MTMR6: variants seen among roughly 807,000 people sequenced by gnomAD.
MTMR6 encodes the protein phosphatidylinositol-3,5-bisphosphate 3-phosphatase MTMR6.
MTMR6 carries 47 observed loss-of-function variants against 80.1 expected under a neutral mutation model. That is an observed-to-expected ratio of 0.59 (90% CI 0.46 to 0.75). The LOEUF is 0.75. MTMR6 is among the 30% of genes least tolerant of loss of function. MTMR6 has a pLI of 0.00. For missense variants in MTMR6, 629 were observed against 730.9 expected (o/e 0.86, Z 1.61); for synonymous variants, 254 against 253.0 (o/e 1.00, Z -0.04).
intron 2 of MTMR6, among the ~76,000 whole-genome samples, chr13:25,268,723 G>T (rs1047406025): frequency 2.0e-5 from 3 of 152,176 alleles, no homozygotes; most frequent in African/African-American, 7.2e-5. Flanking sequence ...AGCCAGGGTT[G>T]CGCGCTCTGC....
intron 7 of MTMR6, 131 bp downstream of exon 7, chr13:25,258,429 A>G: frequency 1.5e-6 from 1 of 651,932 alleles, no homozygotes; most frequent in Non-Finnish European, 2.4e-6. Flanking sequence ...AAGTAAGGAT[A>G]TTATTAAAAT....
chr13:25,267,678 A>T, intron 3 of MTMR6, 101 bp downstream of exon 3: 1 of 1,231,864 alleles, frequency 8.1e-7, no homozygotes. Context: ...TGACTGTCAG[A>T]GCAAAAAAGG....
chr13:25,261,402 A>G lies in MTMR6; in HGVS notation c.726+266T>C, dbSNP rs572135244. ...CTTCACAATAACATAAGACTTATATACTAGCAAGAGTTCTCAATATACAAT... is the reference window on the plus strand; with the variant it reads ...CTTCACAATAACATAAGACTTATATGCTAGCAAGAGTTCTCAATATACAAT... On this transcript the variant is annotated intron_variant, in intron 6 of 13. Transcript: ENST00000381801. Among the ~76,000 whole-genome samples, 9 of 151,446 alleles carry G rather than the reference A, an allele frequency of 5.9e-5. No homozygotes were observed. The East Asian group carries it at 1.5e-3, about 26-fold the overall frequency.
intron 2 of MTMR6, among the ~76,000 whole-genome samples, chr13:25,272,827 A>G (rs1264698870): frequency 6.6e-6 from 1 of 152,008 alleles, no homozygotes; most frequent in Admixed American, 6.6e-5. Flanking sequence ...TCTTTATCCA[A>G]TCCACTGCTA....
At chr13:25,258,228 T>C (rs1957257361) in intron 7 of MTMR6, among the ~76,000 whole-genome samples, 1 of 152,184 alleles carries the variant, frequency 6.6e-6, no homozygotes, top group African/African-American at 2.4e-5. Flanking sequence ...ACCATTAGAA[T>C]TGTACTGTCT....
intron 13 of MTMR6, among the ~76,000 whole-genome samples, chr13:25,250,094 A>G (rs1242531734): frequency 2.0e-5 from 3 of 152,084 alleles, no homozygotes; most frequent in Non-Finnish European, 4.4e-5. Context: ...ATCCTTCTAC[A>G]ATTTACTCAA....
chr13:25,286,816 G>A (rs1957962679), intron 1 of MTMR6, among the ~76,000 whole-genome samples: 1 of 152,216 alleles, frequency 6.6e-6, no homozygotes. Flanking sequence ...AATGAAATGT[G>A]AGCAAGGACA....
chr13:25,262,327 A>G (rs548662922), intron 5 of MTMR6, among the ~76,000 whole-genome samples: 59 of 152,340 alleles, frequency 3.9e-4, no homozygotes, highest in African/African-American at 1.3e-3. Context: ...AGAATTATCT[A>G]TAAGTAGTGA....
intron 1 of MTMR6, among the ~76,000 whole-genome samples, chr13:25,275,879 A>C (rs1593155936): frequency 1.0e-4 from 1 of 9,742 alleles, no homozygotes; most frequent in Admixed American, 1.6e-3. Flanking sequence ...AAGGGAGGGG[A>C]GGGGAGGGGA....
rs1486780165 is a variant in MTMR6 at position 25,287,329 on chromosome 13, C to T, written c.-82G>A. 7 of 1,517,666 alleles carry T rather than the reference C, an allele frequency of 4.6e-6. No homozygotes were observed. The highest frequency in any genetic ancestry group is 6.2e-6 in the Non-Finnish European group (7 of 1,126,378). 94.0% of individuals were successfully genotyped at this position (1,517,666 alleles called of 1,614,324 possible). The stretch of plus-strand genomic sequence containing the variant: ...ACAGGGCGGTGACAGCGACAGAGAG[C>T]AAGCGGGAACTCCCTCCACCAGCCA... On this transcript the variant is annotated 5_prime_UTR_variant, in exon 1 of 14. Coordinates refer to ENST00000381801, the MANE Select transcript of MTMR6 (RefSeq NM_004685.5).
At position 25,265,829 on chromosome 13, in the gene MTMR6, T is replaced by G. The variant is rs1329083341; in HGVS notation, c.581A>C (p.Gln194Pro). Reference protein sequence around the residue: ...GRFPVLSYYHQDKEAAICRCS... With the variant: ...GRFPVLSYYHPDKEAAICRCS... ...AGAAAAGCATCCTACCTCCTTATCT[T>G]GATGATAGTAGGAAAGAACTGGGAA... Residue 194 changes from glutamine to proline, a missense_variant, in exon 5 of 14, where the codon CAA (glutamine) becomes CCA (proline). Coordinates refer to ENST00000381801, the MANE Select transcript of MTMR6 (RefSeq NM_004685.5). The G allele has an allele frequency of 6.2e-6, 10 of 1,613,248 alleles. No homozygotes were observed. In the African/African-American group the frequency reaches 9.3e-5, roughly 15 times the overall value.
At chr13:25,265,768 C>T (rs1204786567) in intron 5 of MTMR6, 51 bp downstream of exon 5, 4 of 1,533,306 alleles carry the variant, frequency 2.6e-6, no homozygotes, top group Non-Finnish European at 3.5e-6. Context: ...GATACTTAAA[C>T]CTGAAGATGA....
At chr13:25,285,684 C>T (rs561632593) in intron 1 of MTMR6, among the ~76,000 whole-genome samples, 1 of 152,238 alleles carries the variant, frequency 6.6e-6, no homozygotes, top group Non-Finnish European at 1.5e-5. Context: ...CAGGCGCCTG[C>T]CACCATGCCC....
chr13:25,283,444 T>C (rs1015971722), intron 1 of MTMR6, among the ~76,000 whole-genome samples: 1 of 152,360 alleles, frequency 6.6e-6, no homozygotes, highest in African/African-American at 2.4e-5. Flanking sequence ...TCAAAGACAA[T>C]TTAAATAATA....
At chr13:25,271,971 C>A (rs1306582482) in intron 2 of MTMR6, among the ~76,000 whole-genome samples, 3 of 152,128 alleles carry the variant, frequency 2.0e-5, no homozygotes, top group African/African-American at 7.2e-5. Flanking sequence ...CAGTGTGGTA[C>A]AGTGTAGTCA....
intron 5 of MTMR6, among the ~76,000 whole-genome samples, chr13:25,264,954 T>C (rs767594357): frequency 2.0e-5 from 3 of 151,988 alleles, no homozygotes; most frequent in Non-Finnish European, 4.4e-5. Flanking sequence ...TTACAGGTAA[T>C]TAGTAAAGCC....
At chr13:25,284,001 C>T (rs978769764) in intron 1 of MTMR6, among the ~76,000 whole-genome samples, 2 of 151,982 alleles carry the variant, frequency 1.3e-5, no homozygotes, top group Non-Finnish European at 2.9e-5. Flanking sequence ...CCAAATGTGA[C>T]CAAAACAGAA....
chr13:25,263,936 C>T (rs779737250), intron 5 of MTMR6, among the ~76,000 whole-genome samples: 5 of 152,024 alleles, frequency 3.3e-5, no homozygotes, highest in Non-Finnish European at 7.4e-5. Flanking sequence ...AAGATACAAA[C>T]CATTCCTGCA....
chr13:25,275,174 C>A (rs1454703736), intron 1 of MTMR6, among the ~76,000 whole-genome samples: 1 of 152,146 alleles, frequency 6.6e-6, no homozygotes, highest in African/African-American at 2.4e-5. Context: ...CGCCTGTAAT[C>A]CCAGCACTTT....
Sources: allele counts gnomAD v4.1 joint callset (sites outside exome capture counted in the v4.1 genomes callset), GRCh38; gene constraint gnomAD v4.1.1; transcripts MANE v1.5; gene names NCBI Gene and HGNC (gene_info 2026-07-23, HGNC 2026-07-21).